The following OTOP3 variants were observed in gnomAD, a reference collection of about 807,000 sequenced individuals.
OTOP3 encodes proton channel OTOP3.
A neutral mutation model predicts 50.8 loss-of-function variants in OTOP3; 41 were observed. That is an observed-to-expected ratio of 0.81 (90% CI 0.63 to 1.05). The LOEUF (loss-of-function observed/expected upper bound fraction) is 1.05, where lower values mean the gene tolerates loss of function less well. Among genes scored for constraint, OTOP3 ranks in the 50% least tolerant of loss-of-function variants. The probability of loss-of-function intolerance (pLI) is 0.00; values close to 1 mark genes in which losing one functional copy is unlikely to be tolerated. For missense variants in OTOP3, 788 were observed against 760.8 expected, an observed-to-expected ratio of 1.04 and a Z score of -0.42; for synonymous variants, 320 against 324.4, an observed-to-expected ratio of 0.99 and a Z score of 0.14.
chr17:74,944,509 C>T (rs945742792), intron 5 of OTOP3, among the ~76,000 whole-genome samples: 1 of 152,198 alleles, frequency 6.6e-6, no homozygotes, highest in African/African-American at 2.4e-5. Flanking sequence ...ATAATCCCAG[C>T]GCTTTGGGAG....
intron 1 of OTOP3, among the ~76,000 whole-genome samples, chr17:74,936,697 G>A (rs1309864616): frequency 2.0e-5 from 3 of 152,168 alleles, no homozygotes; most frequent in Non-Finnish European, 4.4e-5. Flanking sequence ...GACCCCAGAG[G>A]AAGGGAACCT....
chr17:74,943,568 G>C, intron 4 of OTOP3, 38 bp from the exon 5 acceptor site: 1 of 1,599,132 alleles, frequency 6.3e-7, no homozygotes, highest in East Asian at 2.2e-5. Context: ...CTGGGGAGCC[G>C]GCCAGGGTGT....
At position 74,947,101 on chromosome 17, in the gene OTOP3, G is replaced by A. The variant is rs2039235262; in HGVS notation, c.1192G>A (p.Val398Met). ...TVKNPTRSLD[V>M]VLLMGAALGQ... ...CAAGAACCCTACCCGCAGCCTGGAT[G>A]TGGTGCTGCTAATGGGTGCTGCACT... Residue 398 changes from valine to methionine, a missense_variant, in exon 6 of 7, where the codon GTG (valine) becomes ATG (methionine). Val to Met is a conservative substitution (Grantham distance 21, BLOSUM62 1). Transcript: ENST00000328801. 6.2e-7 allele frequency: 1 copy of A among 1,614,146 alleles called. No individual in the cohort carries two copies. Among genetic ancestry groups the A allele is most frequent in the South Asian group, 1.1e-5 (1 of 91,090 alleles).
At chr17:74,947,567 T>G (rs1432069860) in intron 6 of OTOP3, 92 bp downstream of exon 6, 83 of 1,210,864 alleles carry the variant, frequency 6.9e-5, no homozygotes, top group Non-Finnish European at 6.9e-5. Context: ...AGGACACATC[T>G]TTTTCCAACT....
intron 5 of OTOP3, among the ~76,000 whole-genome samples, chr17:74,945,496 GTGTTTAACT>G (rs1442248578): frequency 6.6e-6 from 1 of 152,200 alleles, no homozygotes; most frequent in Non-Finnish European, 1.5e-5. Context: ...CCTCCTGGCA[GTGTTTAACT>G]CACATCCCTC....
intron 5 of OTOP3, among the ~76,000 whole-genome samples, chr17:74,944,737 A>T (rs994222939): frequency 6.6e-6 from 1 of 152,228 alleles, no homozygotes; most frequent in African/African-American, 2.4e-5. Context: ...AGCCTGTGTG[A>T]CAAGAGTGAA....
At position 74,946,755 on chromosome 17, in the gene OTOP3, C is replaced by T. The variant is rs761041524; in HGVS notation, c.846C>T (p.Tyr282=). The change falls in exon 6 of 7, where the codon TAC becomes TAT. Residue 282 remains tyrosine (Y), a synonymous_variant. Transcript: ENST00000328801. ...TGCTCTACCCCTTCAGCACTGAGTA[C>T]TGCCTCATCTGCTGTGCTGTGCTGT... ...FLMLYPFSTE[Y]CLICCAVLFV... is the part of the protein sequence containing the mutation. 1 of 1,613,186 alleles carries T rather than the reference C, an allele frequency of 6.2e-7. No homozygotes were observed. The highest frequency in any genetic ancestry group is 8.5e-7 in the Non-Finnish European group (1 of 1,180,036).
chr17:74,938,988 C>A (rs918592290), intron 1 of OTOP3, among the ~76,000 whole-genome samples: 2 of 150,858 alleles, frequency 1.3e-5, no homozygotes, highest in Non-Finnish European at 2.9e-5. Flanking sequence ...GGCAACATAA[C>A]GTGACCCTGT....
rs753584052 is a variant in OTOP3 at position 74,947,021 on chromosome 17, C to T, written c.1112C>T (p.Ala371Val). The change falls in exon 6 of 7, where the codon GCG becomes GTG. Residue 371 changes from alanine (A) to valine (V), a missense_variant. By Grantham distance (64) the Ala-to-Val change is moderately conservative. Coordinates refer to ENST00000328801, the MANE Select transcript of OTOP3 (RefSeq NM_001272005.2). ...YVAVLPTMSL[A>V]CLAGTAIHGL... ...GCTGTGCTGCCCACCATGAGTCTGG[C>T]GTGCCTGGCGGGCACAGCCATACAC... 1.2e-5 allele frequency: 19 copies of T among 1,613,814 alleles called. No homozygotes were observed. The highest frequency in any genetic ancestry group is 5.5e-5 in the South Asian group (5 of 91,086).
intron 3 of OTOP3, among the ~76,000 whole-genome samples, chr17:74,943,039 C>A (rs1347201502): frequency 6.6e-6 from 1 of 152,228 alleles, no homozygotes; most frequent in African/African-American, 2.4e-5. Flanking sequence ...GTCTTATTTC[C>A]CCCAACAAGA....
Position 74,943,274 on chromosome 17 carries a change from T to C in OTOP3, c.574-12T>C. 6.2e-7 allele frequency: 1 copy of C among 1,614,148 alleles called. No individual in the cohort carries two copies. The highest frequency in any genetic ancestry group is 1.6e-4 in the Middle Eastern group (1 of 6,062). On this transcript the variant is annotated splice_polypyrimidine_tract_variant and intron_variant, in intron 3 of 6. Coordinates refer to ENST00000328801, the MANE Select transcript of OTOP3 (RefSeq NM_001272005.2). The stretch of plus-strand genomic sequence containing the variant: ...CCACCAGCCCCTGGGCTCAAGGCCC[T>C]GTCTCTTTCAGACCTGGGTGCTCTG...
In OTOP3 at chr17:74,949,625, G is replaced by A. The variant is rs576626244; in HGVS notation, c.*209G>A. 23 of 594,216 alleles carry A rather than the reference G, an allele frequency of 3.9e-5. No homozygotes were observed. The highest frequency in any genetic ancestry group is 2.3e-4 in the East Asian group (8 of 34,046). 36.8% of individuals were successfully genotyped at this position (594,216 alleles called of 1,614,324 possible). ...TGGACACTGAGCTTCTGATGCCCAC[G>A]GCCAGGCCTGGGCACATGCCTGCCC... is the stretch of plus-strand genomic sequence containing the variant. On this transcript the variant is annotated 3_prime_UTR_variant, in exon 7 of 7. Transcript: ENST00000328801.
At chr17:74,940,333 C>G (rs1262872874) in intron 1 of OTOP3, among the ~76,000 whole-genome samples, 2 of 151,998 alleles carry the variant, frequency 1.3e-5, no homozygotes, top group Non-Finnish European at 2.9e-5. Flanking sequence ...TACATAAGTA[C>G]TGTGCTAATT....
intron 1 of OTOP3, among the ~76,000 whole-genome samples, chr17:74,936,961 C>CTTTTTTTTTTTTTT (rs1191319023): frequency 2.0e-5 from 2 of 101,308 alleles, no homozygotes; most frequent in Non-Finnish European, 3.9e-5. Context: ...CCCCCCCACC[C>CTTTTTTTTTTTTTT]TTTTTTTTTT....
At chr17:74,943,240 C>A in intron 3 of OTOP3, 46 bp from the exon 4 acceptor site, 2 of 1,575,396 alleles carry the variant, frequency 1.3e-6, no homozygotes, top group Non-Finnish European at 1.7e-6. Context: ...CACTGTGGTC[C>A]CACCACCTCC....
intron 5 of OTOP3, 55 bp from the exon 6 acceptor site, chr17:74,946,606 C>T (rs1031753515): frequency 6.8e-7 from 1 of 1,477,040 alleles, no homozygotes; most frequent in African/African-American, 1.4e-5. Context: ...TAGCCAGTTT[C>T]CTCAGAGCAG....
At chr17:74,947,521 A>G (rs754575336) in intron 6 of OTOP3, 46 bp downstream of exon 6, 3 of 1,490,136 alleles carry the variant, frequency 2.0e-6, no homozygotes, top group Admixed American at 4.4e-5. Flanking sequence ...GTGGCCAGGC[A>G]GACCCAGAAA....
At chr17:74,939,842 A>G (rs2144779393) in intron 1 of OTOP3, among the ~76,000 whole-genome samples, 1 of 152,306 alleles carries the variant, frequency 6.6e-6, no homozygotes, top group East Asian at 1.9e-4. Flanking sequence ...CCATGCTCTC[A>G]GAAGACATTG....
chr17:74,949,418 G>A lies in OTOP3; in HGVS notation c.*2G>A. 6.2e-7 allele frequency: 1 copy of A among 1,611,668 alleles called. No individual in the cohort carries two copies. Among genetic ancestry groups the A allele is most frequent in the South Asian group, 1.1e-5 (1 of 90,936 alleles). On this transcript the variant is annotated 3_prime_UTR_variant, in exon 7 of 7. Transcript: ENST00000328801. The stretch of plus-strand genomic sequence containing the variant: ...GTGGAGGTCTACCTGGGGGCCTGAG[G>A]CTGCCCACCCCCGGCAGAACCTCGA...
Sources: gnomAD v4.1 joint callset for allele counts (sites outside exome capture counted in the v4.1 genomes callset) on GRCh38, gnomAD v4.1.1 for gene constraint, MANE v1.5 for transcripts, NCBI Gene and HGNC (gene_info 2026-07-23, HGNC 2026-07-21) for gene names.